PCDHA2: variants seen among roughly 807,000 people sequenced by gnomAD.
PCDHA2 encodes protocadherin alpha-2.
PCDHA2 carries 58 observed loss-of-function variants against 66.0 expected under a neutral mutation model. The ratio of observed to expected loss-of-function variants is 0.88; its 90% CI spans 0.71 to 1.09. PCDHA2 has a LOEUF of 1.09. Among genes scored for constraint, PCDHA2 ranks in the 50% least tolerant of loss-of-function variants. The probability of loss-of-function intolerance (pLI) is 0.00; values close to 1 mark genes in which losing one functional copy is unlikely to be tolerated. For synonymous variants in PCDHA2, 634 were observed against 554.0 expected, an observed-to-expected ratio of 1.14 and a Z score of -2.03; for missense variants, 1,267 against 1,242.3, an observed-to-expected ratio of 1.02 and a Z score of -0.30.
chr5:140,888,572 A>G (rs1354616132), intron 1 of PCDHA2, among the ~76,000 whole-genome samples: 1 of 152,196 alleles, frequency 6.6e-6, no homozygotes, highest in Admixed American at 6.5e-5. Context: ...GCTTCATTTT[A>G]AGATTTGTTA....
chr5:140,901,695 T>G (rs1554189992), intron 1 of PCDHA2, among the ~76,000 whole-genome samples: 1 of 152,216 alleles, frequency 6.6e-6, no homozygotes, highest in Non-Finnish European at 1.5e-5. Context: ...TATTTTGTAG[T>G]TCTATATACA....
intron 1 of PCDHA2, chr5:140,927,019 T>C: frequency 6.2e-7 from 1 of 1,612,660 alleles, no homozygotes; most frequent in Non-Finnish European, 8.5e-7. Flanking sequence ...CTCCGCGGAC[T>C]TGAGGCTGCC....
intron 1 of PCDHA2, among the ~76,000 whole-genome samples, chr5:140,915,068 ACTGAGTAG>A (rs2076964271): frequency 1.3e-5 from 2 of 150,322 alleles, no homozygotes; most frequent in South Asian, 4.2e-4. Context: ...GCCTTAGCCT[ACTGAGTAG>A]CTGGGACTAT....
intron 1 of PCDHA2, among the ~76,000 whole-genome samples, chr5:140,942,637 A>C (rs1175766630): frequency 6.6e-6 from 1 of 152,178 alleles, no homozygotes; most frequent in African/African-American, 2.4e-5. Context: ...AAAATGGCAA[A>C]AGAGATCTCA....
intron 1 of PCDHA2, among the ~76,000 whole-genome samples, chr5:140,908,888 C>T (rs2074210125): frequency 1.3e-5 from 2 of 152,122 alleles, no homozygotes; most frequent in African/African-American, 4.8e-5. Flanking sequence ...CCAATAGTCC[C>T]AAATAAGCCT....
intron 1 of PCDHA2, among the ~76,000 whole-genome samples, chr5:140,840,126 A>G (rs1776573004): frequency 6.6e-6 from 1 of 152,062 alleles, no homozygotes; most frequent in African/African-American, 2.4e-5. Flanking sequence ...CTGTACTAAT[A>G]AGGACAGAAA....
At chr5:140,956,454 A>G (rs1276644004) in intron 1 of PCDHA2, among the ~76,000 whole-genome samples, 1 of 152,212 alleles carries the variant, frequency 6.6e-6, no homozygotes, top group African/African-American at 2.4e-5. Flanking sequence ...AATTACATTT[A>G]TTGATTTGCA....
rs782046977 is a variant in PCDHA2 at position 140,968,811 on chromosome 5, A to T, written c.2389-10138A>T. The T allele has an allele frequency of 5.0e-6, 8 of 1,614,086 alleles. No homozygotes were observed. The African/African-American group carries it at 6.7e-5, about 13-fold the overall frequency. The stretch of plus-strand genomic sequence containing the variant: ...GTGGCCATTACAGTAGCTGTGGTGG[A>T]TAGGGTTTCCAAAATCCTCCCTGAC... On this transcript the variant is annotated intron_variant, in intron 1 of 3. Coordinates refer to ENST00000526136, the MANE Select transcript of PCDHA2 (RefSeq NM_018905.3).
At chr5:140,921,856 GTA>G (rs1295273364) in intron 1 of PCDHA2, among the ~76,000 whole-genome samples, 4 of 151,824 alleles carry the variant, frequency 2.6e-5, no homozygotes, top group Non-Finnish European at 5.9e-5. Flanking sequence ...AGATGTGTGT[GTA>G]TATATACAGT....
At chr5:140,911,249 C>T (rs782367621) in intron 1 of PCDHA2, among the ~76,000 whole-genome samples, 4 of 152,152 alleles carry the variant, frequency 2.6e-5, no homozygotes, top group African/African-American at 4.8e-5. Context: ...AAAGTTTCAT[C>T]AGAATTTATA....
At position 140,856,167 on chromosome 5, in the gene PCDHA2, A is replaced by T. The variant is rs141221498; in HGVS notation, c.2388+58815A>T. ...TACTCAGTCTACGAGGAGGCCAGAC[A>T]CGGCACCTTCGTGGGCCGCATCGCG... is the stretch of plus-strand genomic sequence containing the variant. On this transcript the variant is annotated intron_variant, in intron 1 of 3. Coordinates refer to ENST00000526136, the MANE Select transcript of PCDHA2 (RefSeq NM_018905.3). 4.0e-5 allele frequency: 64 copies of T among 1,598,222 alleles called. 4 individuals carry two copies. The African/African-American group carries it at 8.5e-4, about 21-fold the overall frequency.
intron 1 of PCDHA2, among the ~76,000 whole-genome samples, chr5:140,941,810 A>T (rs188836583): frequency 6.6e-5 from 10 of 152,356 alleles, no homozygotes; most frequent in Admixed American, 4.6e-4. Flanking sequence ...TGATTTCAGT[A>T]GGATGACTGC....
At chr5:140,800,204 TTGATG>T (rs1328643191) in intron 1 of PCDHA2, among the ~76,000 whole-genome samples, 1 of 152,138 alleles carries the variant, frequency 6.6e-6, no homozygotes, top group African/African-American at 2.4e-5. Flanking sequence ...ATATTCTTAA[TTGATG>T]TGATGTGAGT....
At chr5:140,841,435 G>A (rs2150315414) in intron 1 of PCDHA2, 1 of 1,612,844 alleles carries the variant, frequency 6.2e-7, no homozygotes, top group South Asian at 1.1e-5. Context: ...TCCCCGAGGA[G>A]GCCAAACACG....
intron 1 of PCDHA2, among the ~76,000 whole-genome samples, chr5:140,827,755 T>C (rs1769388112): frequency 6.6e-6 from 1 of 152,232 alleles, no homozygotes; most frequent in African/African-American, 2.4e-5. Context: ...TCCCTTACTT[T>C]AAATTAATAA....
At chr5:140,922,023 T>C (rs1333266712) in intron 1 of PCDHA2, among the ~76,000 whole-genome samples, 3 of 152,086 alleles carry the variant, frequency 2.0e-5, no homozygotes, top group African/African-American at 7.2e-5. Context: ...AAAATAAATA[T>C]AAAAAATGTA....
At chr5:140,876,957 G>T (rs2056730695) in intron 1 of PCDHA2, 7 of 1,613,178 alleles carry the variant, frequency 4.3e-6, no homozygotes, top group Non-Finnish European at 5.9e-6. Context: ...ACTCGCTGGT[G>T]GAGCGGCGGG....
At chr5:140,882,684 G>A (rs781811851) in intron 1 of PCDHA2, 3 of 1,614,172 alleles carry the variant, frequency 1.9e-6, no homozygotes, top group South Asian at 1.1e-5. Context: ...AGCAAGAAAC[G>A]AATAATCATT....
chr5:140,835,605 G>T, intron 1 of PCDHA2: 1 of 1,613,894 alleles, frequency 6.2e-7, no homozygotes. Context: ...CTATTCATTG[G>T]TGCTGGACAG....
Sources: allele counts gnomAD v4.1 joint callset (sites outside exome capture counted in the v4.1 genomes callset), GRCh38; gene constraint gnomAD v4.1.1; transcripts MANE v1.5; gene names NCBI Gene and HGNC (gene_info 2026-07-23, HGNC 2026-07-21).